ANK1: variants seen among roughly 807,000 people sequenced by gnomAD.
ANK1 encodes ankyrin-1.
In ANK1, 51 loss-of-function variants were observed where a neutral mutation model predicts 210.4. The observed-to-expected ratio is 0.24, with a 90% CI of 0.19 to 0.31. The LOEUF (loss-of-function observed/expected upper bound fraction) is 0.31, where lower values mean the gene tolerates loss of function less well. Ranked by LOEUF, ANK1 falls within the 10% of genes least tolerant of loss-of-function variation. The pLI, the probability that ANK1 is intolerant of heterozygous loss-of-function variation, is 1.00. For missense variants in ANK1, 2,051 were observed against 2,504.4 expected, an observed-to-expected ratio of 0.82 and a Z score of 3.86; for synonymous variants, 967 against 1,025.9, an observed-to-expected ratio of 0.94 and a Z score of 1.10.
At chr8:41,703,645 C>T (rs2150611081) in intron 20 of ANK1, among the ~76,000 whole-genome samples, 1 of 150,646 alleles carries the variant, frequency 6.6e-6, no homozygotes, top group East Asian at 2.0e-4. Context: ...TATCACCACA[C>T]CCACATAATT....
In ANK1 at chr8:41,694,579, G is replaced by C; in HGVS notation, c.3327+13C>G. On this transcript the variant is annotated intron_variant, in intron 28 of 42. Transcript: ENST00000289734. This position sits in a 1 kb window ranked among gnomAD's most constrained non-coding sequence, Gnocchi z 5.7. ...GTCCACCCCCAGGACCTGGCGGGGA[G>C]GAGGGCTGTCACCTGCAGAGCCAGC... 2 of 1,610,998 alleles carry C rather than the reference G, an allele frequency of 1.2e-6. No individual in the cohort carries two copies. The highest frequency in any genetic ancestry group is 1.7e-6 in the Non-Finnish European group (2 of 1,179,254).
At position 41,653,265 on chromosome 8, in the gene ANK1, G is replaced by A. The variant is rs1404213968; in HGVS notation, c.*2525C>T. On this transcript the variant is annotated 3_prime_UTR_variant, in exon 43 of 43. Transcript: ENST00000289734. ...TCTTTATTAATTTTGACATTGGTTC[G>A]GCTGGTGAAGGGAGAATGGTCTATA... 1 of 152,630 alleles carries A rather than the reference G, an allele frequency of 6.6e-6. No homozygotes were observed. Among genetic ancestry groups the A allele is most frequent in the Non-Finnish European group, 1.5e-5 (1 of 68,096 alleles). The allele number at this position is 152,630 out of a possible 1,614,324, so 9.5% of individuals were successfully genotyped here.
At chr8:41,699,662 A>G (rs1268902701) in intron 22 of ANK1, 114 bp from the exon 23 acceptor site, 1 of 969,012 alleles carries the variant, frequency 1.0e-6, no homozygotes, top group Admixed American at 1.8e-5. Context: ...AGGAGTGGGG[A>G]AGGTCTTGAT....
At chr8:41,776,628 A>G (rs1844107696) in intron 1 of ANK1, among the ~76,000 whole-genome samples, 2 of 152,136 alleles carry the variant, frequency 1.3e-5, no homozygotes, top group Admixed American at 6.5e-5. Context: ...CTTCGCCTTC[A>G]TTGGGGCCCT....
At chr8:41,684,442 G>C in intron 37 of ANK1, 102 bp downstream of exon 37, 1 of 1,541,842 alleles carries the variant, frequency 6.5e-7, no homozygotes, top group Non-Finnish European at 8.9e-7. Context: ...GGGAGGCAGA[G>C]CGGGCTTTGA....
Position 41,771,951 on chromosome 8 carries a change from C to A in ANK1, c.28-13814G>T, listed in dbSNP as rs561498284. Among the ~76,000 whole-genome samples the A allele has an allele frequency of 5.1e-4, 78 of 152,248 alleles. 1 individual carries two copies. Among genetic ancestry groups the A allele is most frequent in the Admixed American group, 1.4e-3 (22 of 15,292 alleles). On this transcript the variant is annotated intron_variant, in intron 1 of 42. Coordinates refer to ENST00000289734, the MANE Select transcript of ANK1 (RefSeq NM_000037.4). Reference sequence around the variant, plus strand: ...CAAGCCTGCAGCAAAGAATCCCATGCGAGTGGGATTCTCAGGCGACTCTGC... The same window carrying A: ...CAAGCCTGCAGCAAAGAATCCCATGAGAGTGGGATTCTCAGGCGACTCTGC...
chr8:41,709,723 C>A (rs1825641271), intron 16 of ANK1, among the ~76,000 whole-genome samples: 2 of 152,110 alleles, frequency 1.3e-5, no homozygotes, highest in South Asian at 4.1e-4. Context: ...TCACTTGAGG[C>A]CAGGAGTTTG....
At chr8:41,703,420 GTGTATATA>G (rs1475421531) in intron 20 of ANK1, among the ~76,000 whole-genome samples, 98 of 51,124 alleles carry the variant, frequency 1.9e-3, no homozygotes, top group Admixed American at 0.013. Flanking sequence ...GTGTGTGTGT[GTGTATATA>G]TATATATATA....
chr8:41,689,848 CT>C (rs917092326), intron 33 of ANK1, among the ~76,000 whole-genome samples: 29 of 152,184 alleles, frequency 1.9e-4, no homozygotes, highest in Non-Finnish European at 5.9e-5. Flanking sequence ...ACCTTAGCAG[CT>C]CTCCTTGGTG....
At chr8:41,740,311 C>T (rs1281054181) in intron 2 of ANK1, among the ~76,000 whole-genome samples, 1 of 152,072 alleles carries the variant, frequency 6.6e-6, no homozygotes, top group East Asian at 1.9e-4. Flanking sequence ...CAGGCGTCTG[C>T]CACCACGCCT....
In ANK1 at chr8:41,831,805, G is replaced by A. The variant is rs1047481064; in HGVS notation, c.126+64550C>T. Among the ~76,000 whole-genome samples, 6 of 152,278 alleles carry A rather than the reference G, an allele frequency of 3.9e-5. No homozygotes were observed. In the East Asian group the frequency reaches 5.8e-4, roughly 15 times the overall value. The stretch of plus-strand genomic sequence containing the variant: ...TGGAGTCAACCCACACGTCCTCAGC[G>A]TGTGAATGAATAGACCAACCGCAGC... On this transcript the variant is annotated intron_variant, in intron 1 of 42. Transcript: ENST00000265709.
chr8:41,695,156 C>T (rs1385835376), intron 27 of ANK1, 21 bp downstream of exon 27: 2 of 1,613,730 alleles, frequency 1.2e-6, no homozygotes, highest in African/African-American at 1.3e-5. Context: ...GGGACCCAGC[C>T]CTGGGATCCC....
At chr8:41,671,894 C>T (rs1234848746) in intron 38 of ANK1, among the ~76,000 whole-genome samples, 1 of 148,172 alleles carries the variant, frequency 6.7e-6, no homozygotes, top group Non-Finnish European at 1.5e-5. Flanking sequence ...CTGAGTCCTC[C>T]CGGTGCCCCG....
intron 5 of ANK1, among the ~76,000 whole-genome samples, chr8:41,726,956 A>G (rs1468465617): frequency 6.6e-6 from 1 of 152,210 alleles, no homozygotes; most frequent in Admixed American, 6.5e-5. Context: ...TGCCAACCAT[A>G]CACATGCATG....
At chr8:41,670,169 T>C (rs1811821677) in intron 38 of ANK1, among the ~76,000 whole-genome samples, 2 of 152,096 alleles carry the variant, frequency 1.3e-5, no homozygotes, top group African/African-American at 2.4e-5. Context: ...TTTATCTTGT[T>C]TCTAGTTAGT....
chr8:41,688,276 A>G (rs1351542389), intron 34 of ANK1, 46 bp from the exon 35 acceptor site: 7 of 1,598,706 alleles, frequency 4.4e-6, no homozygotes, highest in Non-Finnish European at 6.0e-6. Context: ...GGCAGGACAC[A>G]GTTGACAGGC....
chr8:41,816,171 G>A (rs1003889092), intron 1 of ANK1, among the ~76,000 whole-genome samples: 5 of 152,104 alleles, frequency 3.3e-5, no homozygotes, highest in African/African-American at 1.2e-4. Context: ...ATCATTTCAC[G>A]CTATTTCCAT....
chr8:41,664,084 C>T (rs530842394), intron 39 of ANK1: 2 of 480,490 alleles, frequency 4.2e-6, no homozygotes, highest in East Asian at 6.2e-5. Flanking sequence ...CCTATTTTTA[C>T]AGCACTTTGC....
chr8:41,802,722 A>G (rs1430908482), intron 1 of ANK1, among the ~76,000 whole-genome samples: 2 of 151,988 alleles, frequency 1.3e-5, no homozygotes, highest in African/African-American at 4.8e-5. Context: ...TCACTCGGGC[A>G]ACATGGCAAA....
Sources: gnomAD v4.1 joint callset for allele counts (sites outside exome capture counted in the v4.1 genomes callset) on GRCh38, gnomAD v4.1.1 for gene constraint, Gnocchi (gnomAD v3.1) non-coding constraint, MANE v1.5 for transcripts, NCBI Gene and HGNC (gene_info 2026-07-23, HGNC 2026-07-21) for gene names.